NCKAP5: variants seen among roughly 807,000 people sequenced by gnomAD.
The protein encoded by NCKAP5 is nck-associated protein 5.
NCKAP5 carries 92 observed loss-of-function variants against 167.0 expected under a neutral mutation model. The observed-to-expected ratio is 0.55, with a 90% CI of 0.47 to 0.66. NCKAP5 has a LOEUF of 0.66. Among genes scored for constraint, NCKAP5 ranks in the 30% least tolerant of loss-of-function variants. NCKAP5 has a pLI of 0.00. For synonymous variants in NCKAP5, 891 were observed against 877.4 expected (o/e 1.02, Z -0.27); for missense variants, 2,378 against 2,315.0 (o/e 1.03, Z -0.56).
intron 3 of NCKAP5, among the ~76,000 whole-genome samples, chr2:133,454,216 A>C (rs1254029114): frequency 6.6e-6 from 1 of 152,068 alleles, no homozygotes; most frequent in African/African-American, 2.4e-5. Flanking sequence ...AATGGATAAT[A>C]TAATTTAAAT....
intron 3 of NCKAP5, among the ~76,000 whole-genome samples, chr2:133,492,143 T>TTGTGCGTGTGTGTGTGTGTGTGTGTG (rs780998843): frequency 1.2e-5 from 1 of 84,452 alleles, no homozygotes; most frequent in Non-Finnish European, 2.3e-5. Flanking sequence ...CATATCTAGT[T>TTGTGCGTGTGTGTGTGTGTGTGTGTG]AGTGTGTGTG....
chr2:133,495,484 TG>T (rs1166779756), intron 3 of NCKAP5, among the ~76,000 whole-genome samples: 2 of 152,186 alleles, frequency 1.3e-5, no homozygotes, highest in Admixed American at 1.3e-4. Context: ...CAGAATAAAC[TG>T]GAAACCAGCC....
chr2:133,131,246 C>G (rs1284535670), intron 5 of NCKAP5, among the ~76,000 whole-genome samples: 2 of 152,128 alleles, frequency 1.3e-5, no homozygotes, highest in Non-Finnish European at 2.9e-5. Context: ...CCTCCTGCCT[C>G]TGTACCTTTG....
chr2:132,742,474 A>G (rs1353005199), intron 16 of NCKAP5, among the ~76,000 whole-genome samples: 2 of 151,988 alleles, frequency 1.3e-5, no homozygotes, highest in South Asian at 2.1e-4. Flanking sequence ...TTACAGGAGC[A>G]TTGGAGCCAG....
At chr2:133,329,950 T>C (rs997685565) in intron 3 of NCKAP5, among the ~76,000 whole-genome samples, 9 of 151,976 alleles carry the variant, frequency 5.9e-5, no homozygotes, top group African/African-American at 2.2e-4. Flanking sequence ...TGAACAACCT[T>C]TTACCGGAGG....
chr2:132,838,201 G>A (rs1222854533), intron 11 of NCKAP5, among the ~76,000 whole-genome samples: 1 of 152,194 alleles, frequency 6.6e-6, no homozygotes, highest in Admixed American at 6.5e-5. Flanking sequence ...GGGTCTCCCA[G>A]TGGAACCCCT....
chr2:132,942,412 G>A (rs148714614), intron 8 of NCKAP5, among the ~76,000 whole-genome samples: 13 of 152,300 alleles, frequency 8.5e-5, no homozygotes, highest in African/African-American at 3.1e-4. Flanking sequence ...AAGTTCCCAG[G>A]TGATGTCGAC....
At chr2:132,802,706 C>T (rs1477743958) in intron 11 of NCKAP5, among the ~76,000 whole-genome samples, 1 of 152,202 alleles carries the variant, frequency 6.6e-6, no homozygotes, top group Non-Finnish European at 1.5e-5. Flanking sequence ...GGCAATTTCA[C>T]AGGTACGCAT....
chr2:133,477,471 A>G (rs1680024615), intron 3 of NCKAP5, among the ~76,000 whole-genome samples: 1 of 152,186 alleles, frequency 6.6e-6, no homozygotes, highest in Non-Finnish European at 1.5e-5. Flanking sequence ...GTTACAAGAC[A>G]GCCTCCTTTT....
chr2:133,663,241 C>A, the NCKAP5 span, among the ~76,000 whole-genome samples: 1 of 148,834 alleles, frequency 6.7e-6, no homozygotes, highest in Non-Finnish European at 1.5e-5. Flanking sequence ...AGTCCGCAGT[C>A]CGGCCTGGGC....
chr2:133,598,630 C>T, the NCKAP5 span, among the ~76,000 whole-genome samples: 1 of 152,162 alleles, frequency 6.6e-6, no homozygotes, highest in Non-Finnish European at 1.5e-5. Context: ...AGATTCCTTT[C>T]TTGTGAATAC....
At chr2:133,195,880 T>G in intron 5 of NCKAP5, among the ~76,000 whole-genome samples, 1 of 152,070 alleles carries the variant, frequency 6.6e-6, no homozygotes, top group Admixed American at 6.6e-5. Context: ...ATAAGACTGA[T>G]AGAGTCAAGA....
At chr2:133,426,014 G>A (rs1019384816) in intron 3 of NCKAP5, among the ~76,000 whole-genome samples, 96 of 152,196 alleles carry the variant, frequency 6.3e-4, no homozygotes, top group Non-Finnish European at 9.8e-4. Context: ...GCTCATGCCT[G>A]TAATCCCAGC....
chr2:133,627,001 C>T, the NCKAP5 span, among the ~76,000 whole-genome samples: 3 of 151,840 alleles, frequency 2.0e-5, no homozygotes, highest in Non-Finnish European at 4.4e-5. Context: ...AAAATGAAGA[C>T]TACATAGATA....
At chr2:133,044,161 G>T (rs1358534360) in intron 6 of NCKAP5, among the ~76,000 whole-genome samples, 3 of 152,118 alleles carry the variant, frequency 2.0e-5, no homozygotes, top group East Asian at 3.9e-4. Flanking sequence ...TACAGTACAG[G>T]ATATTTTTAT....
chr2:133,219,147 G>T (rs1215933575), intron 4 of NCKAP5, among the ~76,000 whole-genome samples: 1 of 152,190 alleles, frequency 6.6e-6, no homozygotes, highest in East Asian at 1.9e-4. Flanking sequence ...CACATGAGTG[G>T]AGGAATGCCC....
chr2:132,726,135 G>C (rs1244027610), intron 18 of NCKAP5, among the ~76,000 whole-genome samples: 1 of 152,136 alleles, frequency 6.6e-6, no homozygotes, highest in African/African-American at 2.4e-5. Flanking sequence ...AAACCTAATG[G>C]CTTATTTATT....
the NCKAP5 span, among the ~76,000 whole-genome samples, chr2:133,604,244 C>T: frequency 1.3e-5 from 2 of 152,166 alleles, no homozygotes; most frequent in South Asian, 2.1e-4. Context: ...CTCGCTCTGT[C>T]GCCCAGGCTG....
At chr2:133,330,499 T>C in intron 3 of NCKAP5, among the ~76,000 whole-genome samples, 1 of 151,908 alleles carries the variant, frequency 6.6e-6, no homozygotes, top group Non-Finnish European at 1.5e-5. Flanking sequence ...AAGCATATAA[T>C]ATCTATTAAC....
Sources: gnomAD v4.1 joint callset for allele counts (sites outside exome capture counted in the v4.1 genomes callset) on GRCh38, gnomAD v4.1.1 for gene constraint, MANE v1.5 for transcripts, NCBI Gene and HGNC (gene_info 2026-07-23, HGNC 2026-07-21) for gene names.